Variants in CALN1 observed in about 807,000 individuals in gnomAD.
The protein encoded by CALN1 is calneuron 1.
A neutral mutation model predicts 30.6 loss-of-function variants in CALN1; 17 were observed. The ratio of observed to expected loss-of-function variants is 0.56; its 90% CI spans 0.38 to 0.83. CALN1 has a LOEUF of 0.83. Among genes scored for constraint, CALN1 ranks in the 40% least tolerant of loss-of-function variants. The probability of loss-of-function intolerance (pLI) is 0.00; values close to 1 mark genes in which losing one functional copy is unlikely to be tolerated. For synonymous variants in CALN1, 156 were observed against 131.4 expected (o/e 1.19, Z -1.28); for missense variants, 291 against 354.9 (o/e 0.82, Z 1.45).
chr7:72,249,104 C>T (rs911620720), intron 3 of CALN1, among the ~76,000 whole-genome samples: 3 of 152,184 alleles, frequency 2.0e-5, no homozygotes, highest in African/African-American at 7.2e-5. Flanking sequence ...GGCAACTAGA[C>T]ATCGCAGAGT....
At chr7:72,311,734 C>T (rs1020800021) in intron 2 of CALN1, among the ~76,000 whole-genome samples, 4 of 137,986 alleles carry the variant, frequency 2.9e-5, no homozygotes, top group Admixed American at 8.4e-5. Flanking sequence ...TGAGCTCAAG[C>T]GATCCACCTG....
At chr7:72,360,074 C>T (rs549705297) in intron 2 of CALN1, among the ~76,000 whole-genome samples, 26 of 151,570 alleles carry the variant, frequency 1.7e-4, no homozygotes, top group Non-Finnish European at 3.4e-4. Context: ...AGCTTAAAGA[C>T]CTGGCAGCGA....
intron 2 of CALN1, among the ~76,000 whole-genome samples, chr7:72,290,575 T>C (rs946048707): frequency 4.6e-5 from 7 of 152,218 alleles, no homozygotes; most frequent in African/African-American, 1.4e-4. Context: ...AAATCCCTTA[T>C]ACTAAATCCC....
At chr7:72,025,625 TC>T (rs1279692079) in intron 4 of CALN1, among the ~76,000 whole-genome samples, 2 of 152,086 alleles carry the variant, frequency 1.3e-5, no homozygotes, top group Non-Finnish European at 2.9e-5. Flanking sequence ...CATTGTTGGG[TC>T]CTCCAGGAGT....
intron 2 of CALN1, among the ~76,000 whole-genome samples, chr7:72,303,322 T>G (rs1407818207): frequency 6.6e-6 from 1 of 152,002 alleles, no homozygotes; most frequent in Admixed American, 6.6e-5. Context: ...TTAAAGAAAC[T>G]GCATACCAGG....
Position 71,949,889 on chromosome 7 carries a change from G to A in CALN1, c.501+73768C>T, listed in dbSNP as rs576820105. Among the ~76,000 whole-genome samples the A allele has an allele frequency of 3.3e-5, 5 of 152,128 alleles. No individual in the cohort carries two copies. The East Asian group carries it at 9.7e-4, about 30-fold the overall frequency. On this transcript the variant is annotated intron_variant, in intron 5 of 6. Transcript: ENST00000395275. ...CCATTCTCCTGCCTCAGCCTCCCGA[G>A]TAGCTGGGACTACAGGCGCCTGCCA... is the stretch of plus-strand genomic sequence containing the variant.
At chr7:71,823,808 C>T (rs1344217858) in intron 5 of CALN1, among the ~76,000 whole-genome samples, 1 of 152,112 alleles carries the variant, frequency 6.6e-6, no homozygotes, top group Non-Finnish European at 1.5e-5. Flanking sequence ...CACAGTTCCA[C>T]ATGGCTAGGG....
intron 5 of CALN1, among the ~76,000 whole-genome samples, chr7:71,888,655 A>G (rs1793061793): frequency 6.6e-6 from 1 of 152,092 alleles, no homozygotes; most frequent in Non-Finnish European, 1.5e-5. Flanking sequence ...AGCATATGGC[A>G]ATAGGTTGGG....
At chr7:72,269,805 A>C (rs976586359) in intron 3 of CALN1, among the ~76,000 whole-genome samples, 3 of 152,238 alleles carry the variant, frequency 2.0e-5, no homozygotes, top group Non-Finnish European at 4.4e-5. Context: ...ATGCAAAGAA[A>C]AAAGAAAATC....
intron 5 of CALN1, among the ~76,000 whole-genome samples, chr7:71,841,888 C>T (rs1789958468): frequency 6.6e-6 from 1 of 151,854 alleles, no homozygotes; most frequent in Admixed American, 6.6e-5. Flanking sequence ...TTAAAGACTA[C>T]CTATTGAGTA....
chr7:72,222,202 G>A (rs1793355329), intron 3 of CALN1, among the ~76,000 whole-genome samples: 1 of 151,876 alleles, frequency 6.6e-6, no homozygotes, highest in African/African-American at 2.4e-5. Context: ...CTCCAGTCTG[G>A]GTAACAGAGC....
chr7:72,054,436 TATATATATATACATATATATAC>T (rs1301503926), intron 4 of CALN1, among the ~76,000 whole-genome samples: 2 of 6,896 alleles, frequency 2.9e-4, no homozygotes, highest in Non-Finnish European at 1.4e-3. Flanking sequence ...TATACACGTA[TATATATATATACATATATATAC>T]ATATATATAC....
intron 3 of CALN1, among the ~76,000 whole-genome samples, chr7:72,140,296 G>GAA (rs1362539667): frequency 7.5e-6 from 1 of 133,446 alleles, no homozygotes; most frequent in African/African-American, 2.9e-5. Context: ...GAGAGAGAGA[G>GAA]AGAGAGAGAA....
In CALN1 at chr7:71,783,982, T is replaced by C. The variant is rs1792854715; in HGVS notation, c.*3793A>G. 6.6e-6 allele frequency: 1 copy of C among 152,198 alleles called. No individual in the cohort carries two copies. Among genetic ancestry groups the C allele is most frequent in the Non-Finnish European group, 1.5e-5 (1 of 68,026 alleles). The allele number at this position is 152,198 out of a possible 1,614,324, so 9.4% of individuals were successfully genotyped here. Reference sequence around the variant, plus strand: ...CATTTCTGAAACCACTGGGTTTGCCTAAGACCACACCTAAACCTCAGTTCA... The same window carrying C: ...CATTTCTGAAACCACTGGGTTTGCCCAAGACCACACCTAAACCTCAGTTCA... On this transcript the variant is annotated 3_prime_UTR_variant, in exon 7 of 7. Coordinates refer to ENST00000395275, the MANE Select transcript of CALN1 (RefSeq NM_031468.4).
intron 2 of CALN1, among the ~76,000 whole-genome samples, chr7:72,400,627 T>C (rs1366316183): frequency 6.6e-6 from 1 of 152,182 alleles, no homozygotes; most frequent in Non-Finnish European, 1.5e-5. Flanking sequence ...CCCAGCACTT[T>C]GGGAGGCCAA....
chr7:72,100,157 T>G (rs548705130), intron 4 of CALN1, among the ~76,000 whole-genome samples: 2 of 63,714 alleles, frequency 3.1e-5, no homozygotes, highest in East Asian at 0.053. Context: ...TTTTTTTGAG[T>G]TTTTTTGTTT....
rs532279696 is a variant in CALN1 at position 72,437,524 on chromosome 7, G to A, written c.-226+9518C>T. Among the ~76,000 whole-genome samples, 135 of 104,592 alleles carry A rather than the reference G, an allele frequency of 1.3e-3. 2 individuals carry two copies. The South Asian group carries it at 0.024, about 19-fold the overall frequency. The allele number at this position is 104,592 out of a possible 152,430, so 68.6% of individuals were successfully genotyped here. A position where few individuals can be genotyped will look rare whatever the true frequency, so the allele number is the denominator to read the frequency against. On this transcript the variant is annotated intron_variant, in intron 1 of 6. Transcript: ENST00000395276. The stretch of plus-strand genomic sequence containing the variant: ...AGAAGGTGAGAAACCCAGTTGTGTG[G>A]AGTGTGTGTGTGTGTGTGTGTGTCC...
At chr7:72,469,748 C>T in the CALN1 span, among the ~76,000 whole-genome samples, 1 of 152,174 alleles carries the variant, frequency 6.6e-6, no homozygotes, top group Admixed American at 6.5e-5. Context: ...ACTATCTATC[C>T]TATGCCAGTA....
the CALN1 span, among the ~76,000 whole-genome samples, chr7:72,494,503 G>A: frequency 6.6e-6 from 1 of 152,088 alleles, no homozygotes; most frequent in Non-Finnish European, 1.5e-5. Flanking sequence ...TCTTTTTGAC[G>A]CAAGCTGGGA....
Sources: allele counts gnomAD v4.1 joint callset (sites outside exome capture counted in the v4.1 genomes callset), GRCh38; gene constraint gnomAD v4.1.1; transcripts MANE v1.5; gene names NCBI Gene and HGNC (gene_info 2026-07-23, HGNC 2026-07-21).